Variants in RTN1 observed in about 807,000 individuals in gnomAD.
RTN1 encodes the protein reticulon-1.
A neutral mutation model predicts 65.5 loss-of-function variants in RTN1; 25 were observed. The observed-to-expected ratio is 0.38, with a 90% confidence interval of 0.28 to 0.53. RTN1 has a LOEUF of 0.53. Among genes scored for constraint, RTN1 ranks in the 20% least tolerant of loss-of-function variants. The pLI, the probability that RTN1 is intolerant of heterozygous loss-of-function variation, is 0.79. For missense variants in RTN1, 983 were observed against 1,025.4 expected, an observed-to-expected ratio of 0.96 and a Z score of 0.57; for synonymous variants, 471 against 447.6, an observed-to-expected ratio of 1.05 and a Z score of -0.66.
intron 1 of RTN1, among the ~76,000 whole-genome samples, chr14:59,771,533 T>G (rs995217453): frequency 1.3e-5 from 2 of 152,222 alleles, no homozygotes; most frequent in Admixed American, 1.3e-4. Flanking sequence ...TATTATTTAT[T>G]AAACTCCCAC....
In RTN1 at chr14:59,794,168, T is replaced by G. The variant is rs570442348; in HGVS notation, c.242-47687A>C. On this transcript the variant is annotated intron_variant, in intron 1 of 8. Transcript: ENST00000267484. The surrounding 1 kb of genome is among the most constrained non-coding windows in gnomAD (Gnocchi z 5.1). ...AGATAAGTCAGTAAGTGTATGGTATTATCTTGGCCGTAATGATTAATTCCG... is the reference window on the plus strand; with the variant it reads ...AGATAAGTCAGTAAGTGTATGGTATGATCTTGGCCGTAATGATTAATTCCG... Among the ~76,000 whole-genome samples the G allele has an allele frequency of 3.9e-5, 6 of 152,214 alleles. No homozygotes were observed. The highest frequency in any genetic ancestry group is 8.8e-5 in the Non-Finnish European group (6 of 68,024).
At chr14:59,598,213 T>C (rs1566655175) in intron 8 of RTN1, among the ~76,000 whole-genome samples, 2 of 152,050 alleles carry the variant, frequency 1.3e-5, no homozygotes, top group African/African-American at 2.4e-5. Flanking sequence ...TCAGGGTTAG[T>C]TTAGAGATGA....
In RTN1 at chr14:59,870,557, C is replaced by G. The variant is rs1234814148; in HGVS notation, c.74G>C (p.Arg25Pro). Residue 25 changes from arginine (R) to proline (P), a missense_variant, in exon 1 of 9, where the codon CGG becomes CCG. This residue lies in a region of RTN1 where 818 missense variants were observed against 801.8 expected (regional missense o/e 1.02). Coordinates refer to ENST00000267484, the MANE Select transcript of RTN1 (RefSeq NM_021136.3). The surrounding 1 kb of genome is among the most constrained non-coding windows in gnomAD (Gnocchi z 5.1). Reference protein sequence around the residue: ...AGPGSQWLRHRGEGENEAVTP... With the variant: ...AGPGSQWLRHPGEGENEAVTP... The stretch of plus-strand genomic sequence containing the variant: ...CACCGCTTCGTTCTCCCCCTCCCCC[C>G]GGTGCCTGAGCCACTGGGACCCGGG... 16 of 1,457,338 alleles carry G rather than the reference C, an allele frequency of 1.1e-5. No homozygotes were observed. Among genetic ancestry groups the G allele is most frequent in the Non-Finnish European group, 1.4e-5 (16 of 1,110,266 alleles). 90.3% of individuals were successfully genotyped at this position (1,457,338 alleles called of 1,614,324 possible).
At chr14:59,814,709 AT>A (rs1235716153) in intron 1 of RTN1, among the ~76,000 whole-genome samples, 1 of 152,198 alleles carries the variant, frequency 6.6e-6, no homozygotes, top group Non-Finnish European at 1.5e-5. Context: ...AAATGATCTC[AT>A]TCATTCACTC....
At chr14:59,675,445 G>GGA (rs992201582) in intron 3 of RTN1, among the ~76,000 whole-genome samples, 1 of 17,766 alleles carries the variant, frequency 5.6e-5, no homozygotes, top group Non-Finnish European at 2.8e-4. Context: ...TATAGGACTT[G>GGA]GGGGGGGGGC....
chr14:59,691,598 C>G (rs1188927234), intron 3 of RTN1, among the ~76,000 whole-genome samples: 2 of 152,072 alleles, frequency 1.3e-5, no homozygotes, highest in African/African-American at 4.8e-5. Flanking sequence ...ACACCATCAC[C>G]CTGATATCAA....
At chr14:59,716,426 A>C (rs1884535158) in intron 3 of RTN1, among the ~76,000 whole-genome samples, 1 of 152,212 alleles carries the variant, frequency 6.6e-6, no homozygotes, top group African/African-American at 2.4e-5. Context: ...ATTATATTTT[A>C]TGTTTTGGTA....
intron 3 of RTN1, among the ~76,000 whole-genome samples, chr14:59,637,477 G>C (rs982327969): frequency 2.0e-5 from 3 of 152,172 alleles, no homozygotes; most frequent in Non-Finnish European, 2.9e-5. Context: ...ACTTTGGGAG[G>C]CTGAGGCAGG....
rs537260539 is a variant in RTN1 at position 59,825,591 on chromosome 14, G to T, written c.241+44799C>A. Among the ~76,000 whole-genome samples the T allele has an allele frequency of 6.6e-6, 1 of 152,336 alleles. No individual in the cohort carries two copies. The highest frequency in any genetic ancestry group is 2.1e-4 in the South Asian group (1 of 4,826). On this transcript the variant is annotated intron_variant, in intron 1 of 8. Transcript: ENST00000267484. The surrounding 1 kb of genome is among the most constrained non-coding windows in gnomAD (Gnocchi z 4.2). ...CTGGACTTCCAGCTGGCCACAGCAG[G>T]GCCTTCTCCCAGAAGCACCCCTGCT...
chr14:59,674,799 A>C (rs1021981178), intron 3 of RTN1, among the ~76,000 whole-genome samples: 1 of 152,232 alleles, frequency 6.6e-6, no homozygotes, highest in Non-Finnish European at 1.5e-5. Flanking sequence ...AGAGAAGTTA[A>C]TAAGTATCTC....
chr14:59,625,186 A>G (rs992885498), intron 3 of RTN1, among the ~76,000 whole-genome samples: 20 of 152,372 alleles, frequency 1.3e-4, no homozygotes, highest in African/African-American at 4.3e-4. Context: ...ATTGATATAT[A>G]GTAATCATAA....
intron 3 of RTN1, among the ~76,000 whole-genome samples, chr14:59,645,476 G>C (rs184395621): frequency 6.6e-6 from 1 of 150,766 alleles, no homozygotes; most frequent in African/African-American, 2.5e-5. Context: ...CCCTGTTCCC[G>C]TATCTCCTCA....
intron 3 of RTN1, among the ~76,000 whole-genome samples, chr14:59,692,599 G>A (rs914379219): frequency 6.6e-6 from 1 of 152,044 alleles, no homozygotes; most frequent in Admixed American, 6.6e-5. Context: ...AGCCTGAAGA[G>A]CCAATGCAAT....
chr14:59,812,379 T>C (rs892466250), intron 1 of RTN1, among the ~76,000 whole-genome samples: 1 of 152,136 alleles, frequency 6.6e-6, no homozygotes, highest in Admixed American at 6.5e-5. Context: ...AAGAAATACA[T>C]AAATATATAA....
chr14:59,831,706 G>A (rs1200195196), intron 1 of RTN1, among the ~76,000 whole-genome samples: 1 of 152,052 alleles, frequency 6.6e-6, no homozygotes, highest in Non-Finnish European at 1.5e-5. Flanking sequence ...TCTCTTGGCA[G>A]TCCCAGAATA....
intron 3 of RTN1, chr14:59,607,711 C>T (rs1274187928): frequency 4.9e-5 from 28 of 570,466 alleles, no homozygotes; most frequent in Non-Finnish European, 8.2e-5. Context: ...TTCACAAATT[C>T]ACATATAAGA....
intron 3 of RTN1, among the ~76,000 whole-genome samples, chr14:59,664,982 A>G (rs764853905): frequency 8.5e-5 from 13 of 152,134 alleles, no homozygotes; most frequent in Non-Finnish European, 1.9e-4. Flanking sequence ...CAGTATCTCC[A>G]CATTCTTGCC....
At chr14:59,718,874 C>G (rs765528776) in intron 3 of RTN1, among the ~76,000 whole-genome samples, 1 of 152,096 alleles carries the variant, frequency 6.6e-6, no homozygotes, top group African/African-American at 2.4e-5. Context: ...TAAAGTCACC[C>G]CTACCACAAA....
At chr14:59,619,360 T>C (rs1348713859) in intron 3 of RTN1, among the ~76,000 whole-genome samples, 1 of 152,170 alleles carries the variant, frequency 6.6e-6, no homozygotes, top group Non-Finnish European at 1.5e-5. Context: ...GGGGCAGAGA[T>C]GAGATCAGAG....
Sources: gnomAD v4.1 joint callset for allele counts (sites outside exome capture counted in the v4.1 genomes callset) on GRCh38, gnomAD v4.1.1 for gene constraint, gnomAD v4.1.1 regional missense constraint, Gnocchi (gnomAD v3.1) non-coding constraint, MANE v1.5 for transcripts, NCBI Gene and HGNC (gene_info 2026-07-23, HGNC 2026-07-21) for gene names.